The following HYLS1 variants were observed in gnomAD, a reference collection of about 807,000 sequenced individuals.
HYLS1 encodes the protein HYLS1 centriolar and ciliogenesis associated.
Under a neutral mutation model 29.4 loss-of-function variants are expected in HYLS1, and 25 were observed. That is an observed-to-expected ratio of 0.85 (90% CI 0.62 to 1.19). The LOEUF (loss-of-function observed/expected upper bound fraction) is 1.19. HYLS1 is among the 50% of genes most tolerant of loss of function. The pLI is 0.00. For missense variants in HYLS1, 352 were observed against 365.1 expected (o/e 0.96, Z 0.29); for synonymous variants, 128 against 126.7 (o/e 1.01, Z -0.07).
chr11:125,893,827 C>A (rs374044643), intron 2 of HYLS1: 1 of 1,613,684 alleles, frequency 6.2e-7, no homozygotes, highest in Non-Finnish European at 8.5e-7. Context: ...AGACCCTCTT[C>A]GTTGGTGTCT....
At chr11:125,887,469 A>C (rs1398860745), upstream of HYLS1, 1 of 152,328 alleles carries the variant, frequency 6.6e-6, no homozygotes, top group Non-Finnish European at 1.5e-5. Context: ...TTTTAAGGCC[A>C]CATTGGAAAT....
intron 1 of HYLS1, among the ~76,000 whole-genome samples, chr11:125,890,794 G>C (rs1310827332): frequency 6.6e-6 from 1 of 152,008 alleles, no homozygotes; most frequent in Non-Finnish European, 1.5e-5. Flanking sequence ...GTTACCTATG[G>C]ACCTTATTAA....
At chr11:125,886,934 A>C (rs1432912474), upstream of HYLS1, 1 of 153,306 alleles carries the variant, frequency 6.5e-6, no homozygotes, top group African/African-American at 2.4e-5. Flanking sequence ...AAAAAAAAAA[A>C]AAAAAGTTGA....
intron 1 of HYLS1, among the ~76,000 whole-genome samples, chr11:125,890,094 C>G (rs1175394267): frequency 6.6e-6 from 1 of 152,038 alleles, no homozygotes; most frequent in Non-Finnish European, 1.5e-5. Flanking sequence ...TATGCCACCA[C>G]GCCTAGCTAA....
upstream of HYLS1, chr11:125,887,282 A>T (rs1944321034): frequency 6.6e-6 from 1 of 152,296 alleles, no homozygotes. Flanking sequence ...GCTGATTCCA[A>T]TGAAGTGGCA....
chr11:125,894,280 A>G, intron 2 of HYLS1: 2 of 1,596,882 alleles, frequency 1.3e-6, no homozygotes, highest in South Asian at 2.2e-5. Flanking sequence ...GAAATTCTAC[A>G]GCCATACTAG....
At chr11:125,893,516 A>T (rs1362463918) in intron 2 of HYLS1, 3 of 295,970 alleles carry the variant, frequency 1.0e-5, no homozygotes, top group Non-Finnish European at 1.9e-5. Flanking sequence ...ATGAATTTGA[A>T]TACAAGGCAC....
chr11:125,895,288 C>G (rs1474714880), intron 2 of HYLS1: 1 of 1,613,032 alleles, frequency 6.2e-7, no homozygotes, highest in South Asian at 1.1e-5. Context: ...TCTGGCTTCT[C>G]CATTCCTTGG....
chr11:125,892,042 A>G (rs1219212041), intron 2 of HYLS1, among the ~76,000 whole-genome samples: 1 of 152,210 alleles, frequency 6.6e-6, no homozygotes, highest in Non-Finnish European at 1.5e-5. Flanking sequence ...GTAGGAAAAA[A>G]CTAATTATTG....
intron 1 of HYLS1, among the ~76,000 whole-genome samples, chr11:125,889,736 C>G (rs1591493463): frequency 6.6e-6 from 1 of 151,974 alleles, no homozygotes; most frequent in South Asian, 2.1e-4. Context: ...AGACTCGTCT[C>G]AAAAAACAAC....
rs1376749637 is a variant in HYLS1, at chr11:125,900,223, T to G, written c.855T>G (p.Asn285Lys). ...GGGGTGTTCGTTGTGACCTTGCAAA[T>G]GGTGTCATACCCAGGAAGCTTCCCT... The part of the protein sequence containing the change: ...LRWGVRCDLA[N>K]GVIPRKLPFP... The change falls in exon 3 of 3, where the codon AAT becomes AAG. Residue 285 changes from asparagine (N) to lysine (K), a missense_variant. Coordinates refer to ENST00000425380, the MANE Select transcript of HYLS1 (RefSeq NM_001134793.2). 8 of 1,614,068 alleles carry G rather than the reference T, an allele frequency of 5.0e-6. No homozygotes were observed. The highest frequency in any genetic ancestry group is 6.8e-6 in the Non-Finnish European group (8 of 1,180,002).
intron 2 of HYLS1, chr11:125,894,409 C>T (rs1944512634): frequency 1.4e-6 from 1 of 702,126 alleles, no homozygotes; most frequent in Admixed American, 2.7e-5. Flanking sequence ...TTAATATTGC[C>T]TAATAGCTGA....
intron 2 of HYLS1, chr11:125,893,724 T>C (rs1433226780): frequency 3.5e-6 from 5 of 1,416,558 alleles, no homozygotes; most frequent in African/African-American, 1.4e-5. Flanking sequence ...AATTTTTTTT[T>C]TTTTCCTTTT....
At chr11:125,886,607 T>G (rs1427215371), upstream of HYLS1, among the ~76,000 whole-genome samples, 1 of 120,090 alleles carries the variant, frequency 8.3e-6, no homozygotes, top group Non-Finnish European at 1.7e-5. Context: ...TTTTTACAGG[T>G]ACAGATGCAA....
At chr11:125,893,148 T>C (rs1944460292) in intron 2 of HYLS1, among the ~76,000 whole-genome samples, 1 of 152,206 alleles carries the variant, frequency 6.6e-6, no homozygotes, top group African/African-American at 2.4e-5. Context: ...CTAAGAGTGC[T>C]TTTTAGATTT....
chr11:125,887,648 G>A (rs1944328834), upstream of HYLS1: 1 of 152,364 alleles, frequency 6.6e-6, no homozygotes, highest in African/African-American at 2.4e-5. Flanking sequence ...GTTAACCGCA[G>A]GCTCGGCGCG....
chr11:125,887,068 G>C (rs1373772902), upstream of HYLS1: 1 of 152,546 alleles, frequency 6.6e-6, no homozygotes, highest in African/African-American at 2.4e-5. Context: ...ACGCAGCCAC[G>C]GGTCACGCCA....
At chr11:125,888,268 C>T (rs891525604) in intron 1 of HYLS1, 1 of 152,254 alleles carries the variant, frequency 6.6e-6, no homozygotes, top group Non-Finnish European at 1.5e-5. Flanking sequence ...GGTGTTTGTC[C>T]ACCCCGAAAT....
Position 125,900,213 on chromosome 11 carries a change from A to G in HYLS1, c.845A>G (p.Asp282Gly), listed in dbSNP as rs1360084805. 6.2e-7 allele frequency: 1 copy of G among 1,614,182 alleles called. No individual in the cohort carries two copies. Among genetic ancestry groups the G allele is most frequent in the Non-Finnish European group, 8.5e-7 (1 of 1,180,010 alleles). ...RSALRWGVRCDLANGVIPRKL... is the reference protein window; with the variant it reads ...RSALRWGVRCGLANGVIPRKL... ...GCACTCCGTTGGGGTGTTCGTTGTG[A>G]CCTTGCAAATGGTGTCATACCCAGG... is the stretch of plus-strand genomic sequence containing the variant. Residue 282 changes from aspartate to glycine, a missense_variant, in exon 3 of 3, where the codon GAC (aspartate) becomes GGC (glycine). By Grantham distance (94) the Asp-to-Gly change is moderately conservative. Coordinates refer to ENST00000425380, the MANE Select transcript of HYLS1 (RefSeq NM_001134793.2).
Sources: gnomAD v4.1 joint callset for allele counts (sites outside exome capture counted in the v4.1 genomes callset) on GRCh38, gnomAD v4.1.1 for gene constraint, MANE v1.5 for transcripts, NCBI Gene and HGNC (gene_info 2026-07-23, HGNC 2026-07-21) for gene names.